The following EIF4EBP2 variants were observed in gnomAD, a reference collection of about 807,000 sequenced individuals.
The protein encoded by EIF4EBP2 is eukaryotic translation initiation factor 4E binding protein 2, also known as eukaryotic translation initiation factor 4E-binding protein 2.
Under a neutral mutation model 10.3 loss-of-function variants are expected in EIF4EBP2, and 5 were observed. The ratio of observed to expected loss-of-function variants is 0.48; its 90% CI spans 0.25 to 1.02. The LOEUF (loss-of-function observed/expected upper bound fraction) is 1.02, where lower values mean the gene tolerates loss of function less well. EIF4EBP2 is among the 50% of genes least tolerant of loss of function. The probability of loss-of-function intolerance (pLI) is 0.15; values close to 1 mark genes in which losing one functional copy is unlikely to be tolerated. For synonymous variants in EIF4EBP2, 67 were observed against 61.1 expected (o/e 1.10, Z -0.45); for missense variants, 188 against 162.2 (o/e 1.16, Z -0.86).
intron 1 of EIF4EBP2, among the ~76,000 whole-genome samples, chr10:70,408,555 C>T (rs147503534): frequency 2.0e-4 from 31 of 152,300 alleles, no homozygotes; most frequent in African/African-American, 6.3e-4. Context: ...CCCCCTCTGA[C>T]GGTTTGTGTA....
At position 70,404,468 on chromosome 10, in the gene EIF4EBP2, G is replaced by A. The variant is rs1231380963; in HGVS notation, c.67G>A (p.Ala23Thr). 4 of 1,599,270 alleles carry A rather than the reference G, an allele frequency of 2.5e-6. No homozygotes were observed. ...QSRAIPTRTV[A>T]ISDAAQLPHD... Reference sequence around the variant, plus strand: ...CCGCGCCATCCCCACCCGCACCGTGGCCATCAGCGACGCCGCGCAGCTACC... The same window carrying A: ...CCGCGCCATCCCCACCCGCACCGTGACCATCAGCGACGCCGCGCAGCTACC... Residue 23 changes from alanine (A) to threonine (T), a missense_variant, in exon 1 of 3, where the codon GCC becomes ACC. Ala to Thr is a moderately conservative substitution (Grantham distance 58, BLOSUM62 0). Transcript: ENST00000373218.
intron 1 of EIF4EBP2, among the ~76,000 whole-genome samples, chr10:70,405,181 A>G (rs1215405383): frequency 6.6e-6 from 1 of 152,060 alleles, no homozygotes; most frequent in Non-Finnish European, 1.5e-5. Context: ...TAGCCAAGGG[A>G]AAGTAGGTGG....
rs78544660 is a variant in EIF4EBP2, at chr10:70,408,646, A to G, written c.145+4100A>G. Reference sequence around the variant, plus strand: ...GGGTGCAATAGTTTGTTATCTGGCCACCTCCAGACTCCTGGATTAATATGG... The same window carrying G: ...GGGTGCAATAGTTTGTTATCTGGCCGCCTCCAGACTCCTGGATTAATATGG... On this transcript the variant is annotated intron_variant, in intron 1 of 2. Transcript: ENST00000373218. Among the ~76,000 whole-genome samples the G allele has an allele frequency of 2.8e-3, 419 of 152,168 alleles. 10 individuals carry two copies. The East Asian group carries it at 0.058, about 21-fold the overall frequency.
Position 70,404,525 on chromosome 10 carries a change from C to T in EIF4EBP2, c.124C>T (p.Leu42Phe), listed in dbSNP as rs1156291433. Reference sequence around the variant, plus strand: ...CTATTGCACCACGCCCGGGGGGACGCTCTTCTCCACCACACCGGGAGGTGA... The same window carrying T: ...CTATTGCACCACGCCCGGGGGGACGTTCTTCTCCACCACACCGGGAGGTGA... Reference protein sequence around the residue: ...HDYCTTPGGTLFSTTPGGTRI... With the variant: ...HDYCTTPGGTFFSTTPGGTRI... The change falls in exon 1 of 3, where the codon CTC becomes TTC. Residue 42 changes from leucine to phenylalanine, a missense_variant. By Grantham distance (22) the Leu-to-Phe change is conservative (BLOSUM62 0). Transcript: ENST00000373218. The T allele has an allele frequency of 6.3e-7, 1 of 1,587,244 alleles. No individual in the cohort carries two copies.
At chr10:70,414,312 A>C (rs1845071647) in intron 1 of EIF4EBP2, among the ~76,000 whole-genome samples, 2 of 152,112 alleles carry the variant, frequency 1.3e-5, no homozygotes, top group African/African-American at 4.8e-5. Context: ...CTTTATACCC[A>C]CTACAATTAA....
At chr10:70,415,965 T>C (rs1167186303) in intron 1 of EIF4EBP2, among the ~76,000 whole-genome samples, 1 of 151,488 alleles carries the variant, frequency 6.6e-6, no homozygotes, top group Non-Finnish European at 1.5e-5. Flanking sequence ...ACCCACAGAA[T>C]AGGAGACTAT....
Position 70,407,571 on chromosome 10 carries a change from C to G in EIF4EBP2, c.145+3025C>G, listed in dbSNP as rs1044329631. On this transcript the variant is annotated intron_variant, in intron 1 of 2. Coordinates refer to ENST00000373218, the MANE Select transcript of EIF4EBP2 (RefSeq NM_004096.5). ...CTCAATCTTTTCCCCACCTTTCCCC[C>G]CTTTCTATTCCACAAAACCGCCGTT... Among the ~76,000 whole-genome samples, 7 of 152,254 alleles carry G rather than the reference C, an allele frequency of 4.6e-5. No homozygotes were observed. In the East Asian group the frequency reaches 5.8e-4, roughly 13 times the overall value.
chr10:70,420,955 C>T (rs185420851), intron 2 of EIF4EBP2, among the ~76,000 whole-genome samples: 106 of 152,042 alleles, frequency 7.0e-4, no homozygotes, highest in Non-Finnish European at 1.2e-3. Context: ...CCACCACGCC[C>T]GGCTAATTTT....
intron 1 of EIF4EBP2, among the ~76,000 whole-genome samples, chr10:70,405,766 A>G (rs946292548): frequency 6.6e-6 from 1 of 152,086 alleles, no homozygotes; most frequent in Non-Finnish European, 1.5e-5. Flanking sequence ...ACACCAAGGG[A>G]TAAAATCTAG....
intron 1 of EIF4EBP2, among the ~76,000 whole-genome samples, chr10:70,416,083 TC>T (rs1410552884): frequency 6.6e-6 from 1 of 152,276 alleles, no homozygotes; most frequent in East Asian, 1.9e-4. Context: ...GACAGTTTCT[TC>T]AAAAGAAGAT....
Position 70,421,750 on chromosome 10 carries a change from C to G in EIF4EBP2, c.*3C>G, listed in dbSNP as rs781539831. 7 of 1,612,916 alleles carry G rather than the reference C, an allele frequency of 4.3e-6. No homozygotes were observed. In the South Asian group the frequency reaches 5.5e-5, roughly 13 times the overall value. ...CTCAGTTCGAGATGGACATCTGACT[C>G]TCCTGCAAGGATTAGAAGAAAAGCA... On this transcript the variant is annotated 3_prime_UTR_variant, in exon 3 of 3. Coordinates refer to ENST00000373218, the MANE Select transcript of EIF4EBP2 (RefSeq NM_004096.5).
chr10:70,419,864 G>A, intron 1 of EIF4EBP2, 50 bp from the exon 2 acceptor site: 2 of 1,358,946 alleles, frequency 1.5e-6, no homozygotes, highest in Middle Eastern at 1.9e-4. Flanking sequence ...GGTATTATAT[G>A]TTGATAACCC....
chr10:70,410,982 T>A (rs1314677766), intron 1 of EIF4EBP2, among the ~76,000 whole-genome samples: 2 of 152,238 alleles, frequency 1.3e-5, no homozygotes, highest in Admixed American at 1.3e-4. Flanking sequence ...TTTGTATGTA[T>A]GTATTTATAA....
At chr10:70,411,451 A>G (rs951028641) in intron 1 of EIF4EBP2, among the ~76,000 whole-genome samples, 3 of 151,960 alleles carry the variant, frequency 2.0e-5, no homozygotes, top group African/African-American at 7.3e-5. Context: ...TAAAAGTCAT[A>G]TAGTCTTACT....
intron 1 of EIF4EBP2, among the ~76,000 whole-genome samples, chr10:70,416,306 C>T (rs138534408): frequency 0.012 from 1,896 of 152,246 alleles, 47 homozygotes; most frequent in African/African-American, 0.042. Context: ...TCTGGCCGGG[C>T]GCGGTGGCTC....
intron 1 of EIF4EBP2, among the ~76,000 whole-genome samples, chr10:70,412,810 T>C (rs1423438461): frequency 6.6e-6 from 1 of 152,228 alleles, no homozygotes; most frequent in Non-Finnish European, 1.5e-5. Context: ...TCCTAATATC[T>C]GGTCACTAAG....
chr10:70,406,723 T>C (rs1022668120), intron 1 of EIF4EBP2, among the ~76,000 whole-genome samples: 16 of 152,200 alleles, frequency 1.1e-4, no homozygotes, highest in Admixed American at 1.0e-3. Flanking sequence ...TCATTACCCC[T>C]CCTCCTAACA....
At position 70,423,484 on chromosome 10, in the gene EIF4EBP2, TAGAA is replaced by T. The variant is rs1418656753; in HGVS notation, c.*1741_*1744del. 2.0e-5 allele frequency: 3 copies of T among 152,684 alleles called. No homozygotes were observed. Among genetic ancestry groups the T allele is most frequent in the Middle Eastern group, 3.4e-3 (1 of 294 alleles). The allele number at this position is 152,684 out of a possible 1,614,324, so 9.5% of individuals were successfully genotyped here. On this transcript the variant is annotated 3_prime_UTR_variant, in exon 3 of 3. Transcript: ENST00000373218. ...AATCCCGGGAGAATGATTCCCCTCA[TAGAA>T]AGACAAAAGCATCCATCCCCTCATA...
At chr10:70,417,659 A>C (rs1845111706) in intron 1 of EIF4EBP2, among the ~76,000 whole-genome samples, 1 of 152,156 alleles carries the variant, frequency 6.6e-6, no homozygotes, top group African/African-American at 2.4e-5. Flanking sequence ...TTGCTGATAC[A>C]TAATTTAGAA....
Sources: allele counts gnomAD v4.1 joint callset (sites outside exome capture counted in the v4.1 genomes callset), GRCh38; gene constraint gnomAD v4.1.1; transcripts MANE v1.5; gene names NCBI Gene and HGNC (gene_info 2026-07-23, HGNC 2026-07-21).